ABCC4: variants seen among roughly 807,000 people sequenced by gnomAD.
ABCC4 encodes the protein ATP binding cassette subfamily C member 4 (PEL blood group), also known as ATP-binding cassette sub-family C member 4.
A neutral mutation model predicts 168.5 loss-of-function variants in ABCC4; 102 were observed. The observed-to-expected ratio is 0.61, with a 90% CI of 0.52 to 0.71. The LOEUF (loss-of-function observed/expected upper bound fraction) is 0.71, where lower values mean the gene tolerates loss of function less well. ABCC4 is among the 30% of genes least tolerant of loss of function. The pLI is 0.00. For missense variants in ABCC4, 1,402 were observed against 1,605.8 expected (o/e 0.87, Z 2.17); for synonymous variants, 617 against 590.7 (o/e 1.04, Z -0.65).
chr13:95,258,769 G>T (rs2040455367), intron 1 of ABCC4, among the ~76,000 whole-genome samples: 1 of 152,198 alleles, frequency 6.6e-6, no homozygotes, highest in Non-Finnish European at 1.5e-5. Flanking sequence ...GCCTGCAGGA[G>T]AAGGGGAATG....
intron 20 of ABCC4, among the ~76,000 whole-genome samples, chr13:95,091,200 T>G (rs1042936740): frequency 6.6e-6 from 1 of 152,094 alleles, no homozygotes; most frequent in African/African-American, 2.4e-5. Flanking sequence ...AGAAGAGAAT[T>G]CTAAAAGCTT....
chr13:95,283,862 C>A (rs956544587), intron 1 of ABCC4, among the ~76,000 whole-genome samples: 1 of 146,540 alleles, frequency 6.8e-6, no homozygotes, highest in African/African-American at 2.5e-5. Context: ...CTCGTCATTG[C>A]ACTCCAGCCT....
chr13:95,167,957 C>T (rs1450684189), intron 14 of ABCC4, among the ~76,000 whole-genome samples: 6 of 152,126 alleles, frequency 3.9e-5, no homozygotes, highest in African/African-American at 9.7e-5. Context: ...ACCTTCGCCT[C>T]CCAGGTTCAA....
At chr13:95,288,760 T>G (rs992571893) in intron 1 of ABCC4, among the ~76,000 whole-genome samples, 25 of 151,860 alleles carry the variant, frequency 1.6e-4, no homozygotes, top group Non-Finnish European at 1.9e-4. Context: ...AGAGCAAGAC[T>G]CTGACTCAAA....
rs188942432 is a variant in ABCC4, at chr13:95,083,012, G to A, written c.2686+128C>T. 1,161 of 1,059,826 alleles carry A rather than the reference G, an allele frequency of 1.1e-3. 2 individuals carry two copies. Among genetic ancestry groups the A allele is most frequent in the Non-Finnish European group, 7.1e-4 (515 of 726,994 alleles). The allele number at this position is 1,059,826 out of a possible 1,614,324, so 65.7% of individuals were successfully genotyped here. A position where few individuals can be genotyped will look rare whatever the true frequency, so the allele number is the denominator to read the frequency against. ...CACAATGATTCATAATGGCCAATAC[G>A]TTCAATTACCTAATGTTAGAGAAAT... On this transcript the variant is annotated intron_variant, in intron 21 of 30. Coordinates refer to ENST00000645237, the MANE Select transcript of ABCC4 (RefSeq NM_005845.5).
intron 19 of ABCC4, among the ~76,000 whole-genome samples, chr13:95,118,328 CT>C (rs1175568683): frequency 6.6e-6 from 1 of 151,436 alleles, no homozygotes; most frequent in African/African-American, 2.4e-5. Context: ...ACTGCAACCT[CT>C]GTCTCCTGGG....
chr13:95,161,929 A>T (rs2139545361), intron 18 of ABCC4: 1 of 152,378 alleles, frequency 6.6e-6, no homozygotes, highest in Non-Finnish European at 1.5e-5. Flanking sequence ...ACTGTTTTAC[A>T]TAGACACAAG....
At chr13:95,183,506 A>C (rs1212073925) in intron 11 of ABCC4, among the ~76,000 whole-genome samples, 1 of 152,152 alleles carries the variant, frequency 6.6e-6, no homozygotes, top group Non-Finnish European at 1.5e-5. Context: ...AAACAGTCAT[A>C]AATGGCATTT....
chr13:95,046,006 G>A (rs140412244), intron 27 of ABCC4, among the ~76,000 whole-genome samples: 113 of 152,272 alleles, frequency 7.4e-4, no homozygotes, highest in African/African-American at 2.6e-3. Context: ...ATTAAAATCC[G>A]AAGTGTAAGA....
At chr13:95,094,733 A>G (rs2034536542) in intron 20 of ABCC4, among the ~76,000 whole-genome samples, 1 of 152,222 alleles carries the variant, frequency 6.6e-6, no homozygotes, top group African/African-American at 2.4e-5. Context: ...GTGAAGAGAC[A>G]ACACACAGAG....
At chr13:95,299,867 A>G (rs986607956) in intron 1 of ABCC4, among the ~76,000 whole-genome samples, 4 of 152,102 alleles carry the variant, frequency 2.6e-5, no homozygotes, top group Non-Finnish European at 5.9e-5. Context: ...CCCAAGACGG[A>G]GTCTCACTCT....
At chr13:95,188,004 C>T (rs749572810) in intron 10 of ABCC4, among the ~76,000 whole-genome samples, 3 of 152,174 alleles carry the variant, frequency 2.0e-5, no homozygotes, top group Non-Finnish European at 4.4e-5. Context: ...TAACACAGGA[C>T]TATACACCTG....
chr13:95,221,819 T>C (rs1410175303), intron 4 of ABCC4, among the ~76,000 whole-genome samples: 1 of 152,186 alleles, frequency 6.6e-6, no homozygotes, highest in Non-Finnish European at 1.5e-5. Context: ...AATAAATCAT[T>C]GGCCATGATT....
chr13:95,202,028 G>A (rs1398404677), intron 8 of ABCC4, among the ~76,000 whole-genome samples: 1 of 152,226 alleles, frequency 6.6e-6, no homozygotes, highest in East Asian at 1.9e-4. Context: ...CTAGGCCACA[G>A]TCCCCAGATA....
At chr13:95,274,110 G>A (rs756215369) in intron 1 of ABCC4, among the ~76,000 whole-genome samples, 3 of 152,226 alleles carry the variant, frequency 2.0e-5, no homozygotes, top group South Asian at 2.1e-4. Flanking sequence ...TATCAGCAGC[G>A]TGAAAACAGA....
intron 30 of ABCC4, among the ~76,000 whole-genome samples, chr13:95,030,867 T>C (rs1223480995): frequency 6.6e-6 from 1 of 152,230 alleles, no homozygotes; most frequent in African/African-American, 2.4e-5. Flanking sequence ...AATGTAATTA[T>C]GCAATTTAAA....
chr13:95,158,191 G>C (rs2036942582), intron 19 of ABCC4, among the ~76,000 whole-genome samples: 1 of 152,148 alleles, frequency 6.6e-6, no homozygotes, highest in East Asian at 1.9e-4. Context: ...CAGTGGGGCA[G>C]TCAGGGGGAC....
intron 29 of ABCC4, among the ~76,000 whole-genome samples, chr13:95,037,216 A>G (rs1593983863): frequency 6.6e-6 from 1 of 152,154 alleles, no homozygotes; most frequent in Non-Finnish European, 1.5e-5. Flanking sequence ...TATAAATATG[A>G]CCTAACAAAG....
intron 8 of ABCC4, among the ~76,000 whole-genome samples, chr13:95,201,811 A>T (rs2139662196): frequency 6.6e-6 from 1 of 152,282 alleles, no homozygotes; most frequent in East Asian, 1.9e-4. Context: ...TGCCTCTACT[A>T]AAAATACAAA....
Sources: allele counts gnomAD v4.1 joint callset (sites outside exome capture counted in the v4.1 genomes callset), GRCh38; gene constraint gnomAD v4.1.1; transcripts MANE v1.5; gene names NCBI Gene and HGNC (gene_info 2026-07-23, HGNC 2026-07-21).